Variants in LETMD1 observed in about 807,000 individuals in gnomAD.
The protein encoded by LETMD1 is LETM1 domain-containing protein 1.
In LETMD1, 30 loss-of-function variants were observed where a neutral mutation model predicts 43.9. The observed-to-expected ratio is 0.68, with a 90% CI of 0.51 to 0.93. The LOEUF (loss-of-function observed/expected upper bound fraction) is 0.93, where lower values mean the gene tolerates loss of function less well. Among genes scored for constraint, LETMD1 ranks in the 40% least tolerant of loss-of-function variants. LETMD1 has a pLI of 0.00. For synonymous variants in LETMD1, 176 were observed against 163.1 expected (o/e 1.08, Z -0.60); for missense variants, 413 against 447.7 (o/e 0.92, Z 0.70).
downstream of LETMD1, chr12:51,062,546 AT>A (rs1237299075): frequency 2.0e-5 from 3 of 152,220 alleles, no homozygotes; most frequent in Admixed American, 6.5e-5. Context: ...TAGAACTTGA[AT>A]CCTTTGGAAT....
At chr12:51,063,720 G>A (rs765963536), downstream of LETMD1, 2 of 1,488,268 alleles carry the variant, frequency 1.3e-6, no homozygotes, top group South Asian at 1.4e-5. Flanking sequence ...TAGAGAATGG[G>A]TAAGAGGCAG....
chr12:51,060,893 T>G (rs1164301862), downstream of LETMD1, among the ~76,000 whole-genome samples: 5 of 139,910 alleles, frequency 3.6e-5, no homozygotes, highest in South Asian at 4.7e-4. Context: ...CAGAATGAGA[T>G]TCTGTCTCAA....
chr12:51,060,658 T>C (rs1948779098), downstream of LETMD1, among the ~76,000 whole-genome samples: 2 of 152,058 alleles, frequency 1.3e-5, no homozygotes, highest in Admixed American at 6.6e-5. Flanking sequence ...ATCCCAGCAC[T>C]TTGGGAGGCT....
At chr12:51,063,451 C>T (rs17229232), downstream of LETMD1, 10,873 of 213,164 alleles carry the variant, frequency 0.051, 379 homozygotes, top group South Asian at 0.1. Context: ...TTGAGTTACC[C>T]AGCTTTTCCT....
chr12:51,064,374 C>T (rs146933612), downstream of LETMD1: 26 of 1,614,090 alleles, frequency 1.6e-5, no homozygotes, highest in Non-Finnish European at 2.1e-5. Flanking sequence ...TGCCTTGAGC[C>T]GCTCCAGTTC....
chr12:51,048,239 C>T (rs1189359914), upstream of LETMD1: 2 of 1,340,958 alleles, frequency 1.5e-6, no homozygotes, highest in Middle Eastern at 1.8e-4. Flanking sequence ...TGGAGCCAAG[C>T]AGGCTATGGC....
At chr12:51,048,793 C>T in intron 1 of LETMD1, 1 of 551,120 alleles carries the variant, frequency 1.8e-6, no homozygotes, top group South Asian at 2.2e-5. Flanking sequence ...TCAAATTGTC[C>T]CACAGGCATT....
intron 3 of LETMD1, among the ~76,000 whole-genome samples, chr12:51,053,509 G>A (rs1199066540): frequency 4.6e-5 from 7 of 152,016 alleles, no homozygotes; most frequent in Non-Finnish European, 7.4e-5. Context: ...CTAGAGTGGC[G>A]GCTTATGCCA....
rs1441916567 is a variant in LETMD1, at chr12:51,048,360, G to C, written c.4G>C (p.Ala2Pro). The C allele has an allele frequency of 6.2e-7, 1 of 1,614,080 alleles. No homozygotes were observed. The highest frequency in any genetic ancestry group is 1.7e-5 in the Admixed American group (1 of 60,006). MALSRVCWARSA... is the reference protein window; with the variant it reads MPLSRVCWARSA... The stretch of plus-strand genomic sequence containing the variant: ...TCCCGCTTCTCTCGCTGTGAAGATG[G>C]CGCTCTCCAGGGTGTGCTGGGCTCG... The change falls in exon 1 of 9, where the codon GCG becomes CCG. Residue 2 changes from alanine to proline, a missense_variant. Coordinates refer to ENST00000262055, the MANE Select transcript of LETMD1 (RefSeq NM_015416.5).
At chr12:51,064,490 C>T (rs143340150), downstream of LETMD1, 53 of 1,610,188 alleles carry the variant, frequency 3.3e-5, no homozygotes, top group Middle Eastern at 1.7e-4. Context: ...AACTGGCAGT[C>T]GGGGAGGGCT....
Position 51,056,518 on chromosome 12 carries a change from C to T in LETMD1, c.915+16C>T. 6.2e-7 allele frequency: 1 copy of T among 1,613,968 alleles called. No individual in the cohort carries two copies. The highest frequency in any genetic ancestry group is 1.3e-5 in the African/African-American group (1 of 75,058). The stretch of plus-strand genomic sequence containing the variant: ...AGTAAAATCGGTAAGAGCTTGATTG[C>T]AACATCAACCCTCAACCCTTGGTGT... On this transcript the variant is annotated intron_variant, in intron 7 of 8. Coordinates refer to ENST00000262055, the MANE Select transcript of LETMD1 (RefSeq NM_015416.5).
chr12:51,063,464 G>A (rs970536001), downstream of LETMD1: 6 of 229,954 alleles, frequency 2.6e-5, no homozygotes, highest in Admixed American at 3.1e-4. Flanking sequence ...CTTTTCCTGT[G>A]AGATCCTAGT....
chr12:51,051,557 A>G (rs1289729345), intron 2 of LETMD1, among the ~76,000 whole-genome samples: 1 of 151,218 alleles, frequency 6.6e-6, no homozygotes, highest in South Asian at 2.1e-4. Flanking sequence ...AAATGCAAAA[A>G]TTAGCCAGGC....
chr12:51,048,895 C>A (rs2136492437), intron 1 of LETMD1, 139 bp from the exon 2 acceptor site: 2 of 819,428 alleles, frequency 2.4e-6, no homozygotes, highest in East Asian at 5.1e-5. Context: ...CTCTTCTTGA[C>A]CCCAAGACCT....
At chr12:51,064,375 G>A (rs187644033), downstream of LETMD1, 22 of 1,614,140 alleles carry the variant, frequency 1.4e-5, no homozygotes, top group Admixed American at 1.2e-4. Context: ...GCCTTGAGCC[G>A]CTCCAGTTCC....
chr12:51,054,404 G>T (rs973546134), intron 4 of LETMD1, among the ~76,000 whole-genome samples: 2 of 152,096 alleles, frequency 1.3e-5, no homozygotes, highest in East Asian at 1.9e-4. Flanking sequence ...TTCCATATAG[G>T]GTTGACAGAG....
downstream of LETMD1, chr12:51,063,862 A>AG: frequency 6.2e-7 from 1 of 1,614,018 alleles, no homozygotes; most frequent in Non-Finnish European, 8.5e-7. Context: ...GGGAGGCTTG[A>AG]GGGGGACCAG....
downstream of LETMD1, chr12:51,063,243 CAG>C (rs1407640917): frequency 1.3e-5 from 2 of 152,238 alleles, no homozygotes; most frequent in East Asian, 3.9e-4. Flanking sequence ...TGTACAGAAG[CAG>C]AGACCCTTCC....
chr12:51,056,600 A>G (rs1019872887), intron 7 of LETMD1, 98 bp downstream of exon 7: 3 of 1,066,836 alleles, frequency 2.8e-6, no homozygotes, highest in East Asian at 2.4e-5. Context: ...TTGTTTGTTT[A>G]TAGAACCCAG....
Sources: gnomAD v4.1 joint callset for allele counts (sites outside exome capture counted in the v4.1 genomes callset) on GRCh38, gnomAD v4.1.1 for gene constraint, MANE v1.5 for transcripts, NCBI Gene and HGNC (gene_info 2026-07-23, HGNC 2026-07-21) for gene names.